The following R3HCC1 variants were observed in gnomAD, a reference collection of about 807,000 sequenced individuals.
The protein encoded by R3HCC1 is R3H domain and coiled-coil containing 1, also known as R3H and coiled-coil domain-containing protein 1.
A neutral mutation model predicts 40.0 loss-of-function variants in R3HCC1; 32 were observed. The ratio of observed to expected loss-of-function variants is 0.80; its 90% CI spans 0.60 to 1.07. R3HCC1 has a LOEUF of 1.07. Ranked by LOEUF, R3HCC1 falls within the 50% of genes least tolerant of loss-of-function variation. The pLI is 0.00. For synonymous variants in R3HCC1, 237 were observed against 232.8 expected (o/e 1.02, Z -0.17); for missense variants, 586 against 563.3 (o/e 1.04, Z -0.41).
Position 23,290,112 on chromosome 8 carries a change from G to T in R3HCC1, c.495G>T (p.Arg165Ser). The change falls in exon 4 of 8, where the codon AGG becomes AGT. Residue 165 changes from arginine to serine, a missense_variant. Physicochemically the swap from Arg to Ser is moderately radical, Grantham distance 110 (BLOSUM62 -1). Transcript: ENST00000265806. ...TCAAGAGAGAGGCCCCAGCTGGCAG[G>T]GACCCAGAAGAGCCTGGAGATGTTG... is the stretch of plus-strand genomic sequence containing the variant. 1 of 1,551,088 alleles carries T rather than the reference G, an allele frequency of 6.4e-7. No individual in the cohort carries two copies. The highest frequency in any genetic ancestry group is 1.4e-5 in the African/African-American group (1 of 73,186).
chr8:23,293,237 C>T lies in R3HCC1; in HGVS notation c.1026-66C>T, dbSNP rs569847506. 136 of 1,354,570 alleles carry T rather than the reference C, an allele frequency of 1.0e-4. No homozygotes were observed. The East Asian group carries it at 3.2e-3, about 32-fold the overall frequency. 83.9% of individuals were successfully genotyped at this position (1,354,570 alleles called of 1,614,324 possible). A position where few individuals can be genotyped will look rare whatever the true frequency, so the allele number is the denominator to read the frequency against. On this transcript the variant is annotated intron_variant, in intron 5 of 7. Transcript: ENST00000265806. ...GGCTGGAGGCGAGGGGGTGTGGCTG[C>T]GGGATTCGAAGAGGAGTTTGACTGC...
chr8:23,288,222 G>C (rs1416840090), intron 1 of R3HCC1, 65 bp downstream of exon 1: 65 of 1,203,862 alleles, frequency 5.4e-5, no homozygotes, highest in Non-Finnish European at 6.7e-5. Flanking sequence ...GGAAGGAGCA[G>C]CTGGGCTGCG....
chr8:23,296,102 T>TGGAG lies in R3HCC1; in HGVS notation c.*6_*9dup. On this transcript the variant is annotated 3_prime_UTR_variant, in exon 8 of 8. Coordinates refer to ENST00000265806, the MANE Select transcript of R3HCC1 (RefSeq NM_001136108.3). ...CGGGGTCCGCTGCCGCCCTGAGGCC[T>TGGAG]GGAGACCCAACTGGCCTGGATCTGC... is the stretch of plus-strand genomic sequence containing the variant. The TGGAG allele has an allele frequency of 6.5e-7, 1 of 1,548,022 alleles. No individual in the cohort carries two copies. Among genetic ancestry groups the TGGAG allele is most frequent in the Non-Finnish European group, 8.7e-7 (1 of 1,145,916 alleles).
intron 5 of R3HCC1, among the ~76,000 whole-genome samples, 161 bp from the exon 6 acceptor site, chr8:23,293,142 A>G (rs372641118): frequency 2.0e-5 from 3 of 152,232 alleles, no homozygotes; most frequent in African/African-American, 7.2e-5. Flanking sequence ...GCTTCAGAGG[A>G]AATTTGCTGC....
At position 23,293,577 on chromosome 8, in the gene R3HCC1, C is replaced by T. The variant is rs569790152; in HGVS notation, c.1096+204C>T. ...AATGCGCCTTAATGAAGAAGCCCTTCCTATTGTGTTAGTGCTTTCAATGAA... is the reference window on the plus strand; with the variant it reads ...AATGCGCCTTAATGAAGAAGCCCTTTCTATTGTGTTAGTGCTTTCAATGAA... On this transcript the variant is annotated intron_variant, in intron 6 of 7. Transcript: ENST00000265806. 2.0e-5 allele frequency among the ~76,000 whole-genome samples: 3 copies of T among 152,234 alleles called. No individual in the cohort carries two copies. The South Asian group carries it at 6.2e-4, about 32-fold the overall frequency.
Position 23,289,961 on chromosome 8 carries a change from C to T in R3HCC1, c.344C>T (p.Ala115Val). The T allele has an allele frequency of 6.5e-7, 1 of 1,536,308 alleles. No individual in the cohort carries two copies. The highest frequency in any genetic ancestry group is 1.4e-5 in the African/African-American group (1 of 73,190). ...CCTCGGCCCATCTCCAACCAAGGAG[C>T]AGCTGCGGTTCCCCGAGGTGCCCGG... The change falls in exon 4 of 8, where the codon GCA (alanine) becomes GTA (valine). Residue 115 changes from alanine (A) to valine (V), a missense_variant. Coordinates refer to ENST00000265806, the MANE Select transcript of R3HCC1 (RefSeq NM_001136108.3).
chr8:23,288,458 TC>T, intron 1 of R3HCC1, 47 bp from the exon 2 acceptor site: 1 of 1,528,766 alleles, frequency 6.5e-7, no homozygotes, highest in Non-Finnish European at 8.8e-7. Context: ...TCGCGGGAGA[TC>T]CGGGGGTCTG....
intron 6 of R3HCC1, among the ~76,000 whole-genome samples, chr8:23,294,408 G>C (rs894053768): frequency 1.3e-5 from 2 of 152,194 alleles, no homozygotes; most frequent in East Asian, 3.9e-4. Context: ...GGCAGTGAAC[G>C]CATGTTCCCT....
intron 2 of R3HCC1, 34 bp from the exon 3 acceptor site, chr8:23,288,982 C>T (rs765647467): frequency 6.5e-7 from 1 of 1,535,210 alleles, no homozygotes; most frequent in Non-Finnish European, 8.7e-7. Context: ...AGGCCCTGGA[C>T]ACCTGCTCAG....
In R3HCC1 at chr8:23,291,733, G is replaced by A. The variant is rs890563641; in HGVS notation, c.1025+200G>A. On this transcript the variant is annotated intron_variant, in intron 5 of 7. Transcript: ENST00000265806. ...CGGGAAAGAGAGCACTGATTTGTTG[G>A]TTGTAGACACACCCTGCAGGCCCTA... Among the ~76,000 whole-genome samples, 2 of 152,248 alleles carry A rather than the reference G, an allele frequency of 1.3e-5. 1 individual carries two copies. Among genetic ancestry groups the A allele is most frequent in the Admixed American group, 1.3e-4 (2 of 15,288 alleles).
At chr8:23,292,140 T>G (rs1802881414) in intron 5 of R3HCC1, among the ~76,000 whole-genome samples, 1 of 152,232 alleles carries the variant, frequency 6.6e-6, no homozygotes, top group Non-Finnish European at 1.5e-5. Flanking sequence ...TCTCCTCTTT[T>G]TTTTTGAGAC....
At chr8:23,295,748 A>C in intron 7 of R3HCC1, 1 of 612,438 alleles carries the variant, frequency 1.6e-6, no homozygotes, top group Non-Finnish European at 2.8e-6. Flanking sequence ...AAGGGCATGT[A>C]GAGGCGACAA....
chr8:23,294,368 C>T (rs1315934206), intron 6 of R3HCC1, among the ~76,000 whole-genome samples: 2 of 152,170 alleles, frequency 1.3e-5, no homozygotes, highest in Admixed American at 6.5e-5. Flanking sequence ...TGTAAATAGT[C>T]GGGGTGCTGC....
chr8:23,294,682 A>G (rs1337845697), intron 6 of R3HCC1, 87 bp from the exon 7 acceptor site: 1 of 1,018,890 alleles, frequency 9.8e-7, no homozygotes, highest in Non-Finnish European at 1.5e-6. Flanking sequence ...ATAGGTGCAC[A>G]ACACGGCTGC....
At chr8:23,295,602 C>T (rs1366258857) in intron 7 of R3HCC1, 7 of 462,826 alleles carry the variant, frequency 1.5e-5, no homozygotes, top group Non-Finnish European at 2.9e-5. Context: ...TTTCTTGGAA[C>T]AATAAATATC....
Position 23,296,139 on chromosome 8 carries a change from G to C in R3HCC1, c.*42G>C. ...TGGCCTGGATCTGCGTCCCGACGTA[G>C]CTGGCGCCCCCAACACCATAAGCCT... On this transcript the variant is annotated 3_prime_UTR_variant, in exon 8 of 8. Transcript: ENST00000265806. 4 of 1,529,158 alleles carry C rather than the reference G, an allele frequency of 2.6e-6. No individual in the cohort carries two copies. The highest frequency in any genetic ancestry group is 3.5e-6 in the Non-Finnish European group (4 of 1,135,834). 94.7% of individuals were successfully genotyped at this position (1,529,158 alleles called of 1,614,324 possible). A position where few individuals can be genotyped will look rare whatever the true frequency, so the allele number is the denominator to read the frequency against.
At chr8:23,295,390 G>A (rs775215106) in intron 7 of R3HCC1, 3 of 443,282 alleles carry the variant, frequency 6.8e-6, no homozygotes, top group Non-Finnish European at 1.4e-5. Flanking sequence ...TACCTGCCTG[G>A]AGCCCTGAGG....
rs1187843348 is a variant in R3HCC1 at position 23,290,031 on chromosome 8, T to C, written c.414T>C (p.Tyr138=). The C allele has an allele frequency of 1.2e-5, 18 of 1,541,958 alleles. No homozygotes were observed. The highest frequency in any genetic ancestry group is 2.4e-5 in the East Asian group (1 of 40,938). ...GACGCAAGCCTGACCAGCCTTTGTA[T>C]GTGCCCCGGGTGCTGCGCAGGCAGG... The change falls in exon 4 of 8, where the codon TAT becomes TAC. Residue 138 remains tyrosine, a synonymous_variant. Coordinates refer to ENST00000265806, the MANE Select transcript of R3HCC1 (RefSeq NM_001136108.3).
At chr8:23,295,740 G>C (rs1228055056) in intron 7 of R3HCC1, 1 of 596,408 alleles carries the variant, frequency 1.7e-6, no homozygotes, top group East Asian at 2.8e-5. Flanking sequence ...AGAGAAACAA[G>C]GGCATGTAGA....
Sources: gnomAD v4.1 joint callset for allele counts (sites outside exome capture counted in the v4.1 genomes callset) on GRCh38, gnomAD v4.1.1 for gene constraint, MANE v1.5 for transcripts, NCBI Gene and HGNC (gene_info 2026-07-23, HGNC 2026-07-21) for gene names.